SHTN1: variants seen among roughly 807,000 people sequenced by gnomAD.
The protein encoded by SHTN1 is shootin-1.
SHTN1 carries 42 observed loss-of-function variants against 83.1 expected under a neutral mutation model. That is an observed-to-expected ratio of 0.51 (90% CI 0.39 to 0.65). The LOEUF (loss-of-function observed/expected upper bound fraction) is 0.65. SHTN1 is among the 30% of genes least tolerant of loss of function. The probability of loss-of-function intolerance (pLI) is 0.00; values close to 1 mark genes in which losing one functional copy is unlikely to be tolerated. For synonymous variants in SHTN1, 224 were observed against 247.7 expected, an observed-to-expected ratio of 0.90 and a Z score of 0.90; for missense variants, 622 against 737.8, an observed-to-expected ratio of 0.84 and a Z score of 1.82.
Position 116,940,514 on chromosome 10 carries a change from T to C in SHTN1, c.810A>G (p.Ala270=), listed in dbSNP as rs1849330223. 2.5e-6 allele frequency: 4 copies of C among 1,614,126 alleles called. No homozygotes were observed. The East Asian group carries it at 8.9e-5, about 36-fold the overall frequency. ...CTTCTTCAAGTTGCTGGGTGAGTTTTGCATTTTCGTCTAAAGCTTTCAAAA... is the reference window on the plus strand; with the variant it reads ...CTTCTTCAAGTTGCTGGGTGAGTTTCGCATTTTCGTCTAAAGCTTTCAAAA... ...QQLLKALDEN[A]KLTQQLEEER... The change falls in exon 9 of 17, where the codon GCA becomes GCG. Residue 270 remains alanine (A), a synonymous_variant. Coordinates refer to ENST00000355371, the MANE Select transcript of SHTN1 (RefSeq NM_001127211.3).
intron 2 of SHTN1, among the ~76,000 whole-genome samples, chr10:116,970,437 C>T (rs756141768): frequency 5.3e-5 from 8 of 152,196 alleles, no homozygotes; most frequent in East Asian, 1.9e-4. Flanking sequence ...TCATGTTGGC[C>T]GGGCACGGTG....
intron 6 of SHTN1, among the ~76,000 whole-genome samples, chr10:116,949,302 A>T (rs1426330401): frequency 2.0e-5 from 3 of 152,112 alleles, no homozygotes; most frequent in Non-Finnish European, 4.4e-5. Flanking sequence ...ATTAAAAAAA[A>T]ACAAAGAATA....
chr10:117,067,126 T>C (rs1045807660), intron 1 of SHTN1, among the ~76,000 whole-genome samples: 2 of 151,638 alleles, frequency 1.3e-5, no homozygotes, highest in African/African-American at 4.8e-5. Context: ...GTGGAACATT[T>C]AAGGAATGAA....
intron 1 of SHTN1, 53 bp downstream of exon 1, chr10:117,004,969 G>T: frequency 6.5e-7 from 1 of 1,530,112 alleles, no homozygotes. Context: ...CCCTGGGGCC[G>T]TCCCCGCCCA....
intron 1 of SHTN1, among the ~76,000 whole-genome samples, chr10:117,001,499 T>C (rs1851821060): frequency 6.6e-6 from 1 of 152,186 alleles, no homozygotes; most frequent in Non-Finnish European, 1.5e-5. Context: ...TAGGGAAGGC[T>C]GCTGTCAGCT....
chr10:116,894,146 A>G (rs1847434073), intron 16 of SHTN1, among the ~76,000 whole-genome samples: 1 of 152,206 alleles, frequency 6.6e-6, no homozygotes, highest in Non-Finnish European at 1.5e-5. Context: ...TCTAAAATTT[A>G]TCTTTTGTCA....
At chr10:116,960,319 T>C (rs1850140949) in intron 3 of SHTN1, 89 bp from the exon 4 acceptor site, 2 of 729,230 alleles carry the variant, frequency 2.7e-6, no homozygotes, top group Non-Finnish European at 4.8e-6. Flanking sequence ...TTAAGAATAC[T>C]TCAATTCTTT....
In SHTN1 at chr10:117,092,665, T is replaced by G. The variant is rs76344825; in HGVS notation, c.-189+33642A>C. 2.8e-4 allele frequency among the ~76,000 whole-genome samples: 42 copies of G among 152,302 alleles called. No homozygotes were observed. The East Asian group carries it at 4.6e-3, about 17-fold the overall frequency. Reference sequence around the variant, plus strand: ...TTGGGTCACTGAGAGAAAAGCTGCATGCAGATAGTTTATGTACTGGAATAA... The same window carrying G: ...TTGGGTCACTGAGAGAAAAGCTGCAGGCAGATAGTTTATGTACTGGAATAA... On this transcript the variant is annotated intron_variant, in intron 1 of 17. Transcript: ENST00000392901.
At chr10:117,107,084 A>T (rs539376451) in intron 1 of SHTN1, among the ~76,000 whole-genome samples, 1 of 152,350 alleles carries the variant, frequency 6.6e-6, no homozygotes, top group African/African-American at 2.4e-5. Context: ...GCTTTGACTT[A>T]TCTCTAACTA....
intron 1 of SHTN1, among the ~76,000 whole-genome samples, chr10:117,100,507 G>A (rs1215140478): frequency 1.3e-5 from 2 of 152,066 alleles, no homozygotes; most frequent in African/African-American, 4.8e-5. Context: ...ACTTCAAGTT[G>A]AATGAACTAT....
chr10:117,085,825 T>C (rs989387706), intron 1 of SHTN1, among the ~76,000 whole-genome samples: 7 of 151,954 alleles, frequency 4.6e-5, no homozygotes, highest in Admixed American at 2.0e-4. Context: ...ACATTAAAAT[T>C]GTTATTTTTT....
chr10:117,117,901 TTAAAGACTTAAGTC>T (rs1853871917), intron 1 of SHTN1, among the ~76,000 whole-genome samples: 1 of 152,084 alleles, frequency 6.6e-6, no homozygotes, highest in Non-Finnish European at 1.5e-5. Flanking sequence ...TCAAAATAGA[TTAAAGACTTAAGTC>T]TAAGACCTGA....
At chr10:116,965,031 G>A (rs140618212) in intron 3 of SHTN1, among the ~76,000 whole-genome samples, 44 of 152,248 alleles carry the variant, frequency 2.9e-4, no homozygotes, top group Non-Finnish European at 6.0e-4. Context: ...ACAGGAATCC[G>A]GTCTAGGGAA....
intron 15 of SHTN1, among the ~76,000 whole-genome samples, chr10:116,905,256 G>C (rs947823540): frequency 5.3e-5 from 8 of 151,262 alleles, no homozygotes; most frequent in Non-Finnish European, 1.0e-4. Context: ...AGCACTTTAA[G>C]GCTGAAACGA....
chr10:116,911,477 A>G (rs1460022762), intron 14 of SHTN1: 5 of 1,550,244 alleles, frequency 3.2e-6, no homozygotes, highest in South Asian at 1.2e-5. Flanking sequence ...ATCAACATGT[A>G]CGGACCCTTA....
chr10:117,005,489 T>A, upstream of SHTN1: 1 of 1,021,746 alleles, frequency 9.8e-7, no homozygotes, highest in Non-Finnish European at 1.2e-6. Context: ...GAAAACCGGC[T>A]GTGGGTTCGC....
intron 1 of SHTN1, among the ~76,000 whole-genome samples, chr10:116,988,542 T>C (rs1851306299): frequency 6.7e-6 from 1 of 149,504 alleles, no homozygotes; most frequent in Non-Finnish European, 1.5e-5. Context: ...ATATTATTTA[T>C]TTATTTATTT....
At chr10:116,938,974 A>G (rs1411274504) in intron 9 of SHTN1, among the ~76,000 whole-genome samples, 1 of 152,132 alleles carries the variant, frequency 6.6e-6, no homozygotes, top group Admixed American at 6.5e-5. Flanking sequence ...GTGAGGGGAA[A>G]ACTGCCTACT....
At chr10:117,073,396 G>A (rs562008248) in intron 1 of SHTN1, among the ~76,000 whole-genome samples, 2 of 152,276 alleles carry the variant, frequency 1.3e-5, no homozygotes, top group South Asian at 4.1e-4. Context: ...ACTCTATGAA[G>A]TACATACTAT....
Sources: allele counts gnomAD v4.1 joint callset (sites outside exome capture counted in the v4.1 genomes callset), GRCh38; gene constraint gnomAD v4.1.1; transcripts MANE v1.5; gene names NCBI Gene and HGNC (gene_info 2026-07-23, HGNC 2026-07-21).